FSIP1: variants seen among roughly 807,000 people sequenced by gnomAD.
The protein encoded by FSIP1 is fibrous sheath-interacting protein 1.
A neutral mutation model predicts 60.9 loss-of-function variants in FSIP1; 65 were observed. The ratio of observed to expected loss-of-function variants is 1.07; its 90% CI spans 0.87 to 1.31. FSIP1 has a LOEUF of 1.31. Among genes scored for constraint, FSIP1 ranks in the 40% most tolerant of loss-of-function variants. The pLI is 0.00. For synonymous variants in FSIP1, 209 were observed against 221.2 expected (o/e 0.94, Z 0.49); for missense variants, 675 against 665.5 (o/e 1.01, Z -0.16).
intron 10 of FSIP1, among the ~76,000 whole-genome samples, chr15:39,664,742 C>T (rs1248058633): frequency 1.3e-5 from 2 of 152,068 alleles, no homozygotes; most frequent in Non-Finnish European, 2.9e-5. Context: ...TTGCCCCCTC[C>T]TATTACCAGG....
intron 7 of FSIP1, among the ~76,000 whole-genome samples, chr15:39,738,626 T>C (rs1363648288): frequency 6.6e-6 from 1 of 152,208 alleles, no homozygotes; most frequent in Non-Finnish European, 1.5e-5. Flanking sequence ...AAATATTCAG[T>C]TACTATTAAA....
chr15:39,728,740 A>T (rs1485130141), intron 8 of FSIP1, among the ~76,000 whole-genome samples: 1 of 152,234 alleles, frequency 6.6e-6, no homozygotes, highest in Non-Finnish European at 1.5e-5. Context: ...AAGCAATCGC[A>T]ACAAAAACAA....
At chr15:39,765,101 GA>G (rs954468482) in intron 4 of FSIP1, among the ~76,000 whole-genome samples, 1 of 151,994 alleles carries the variant, frequency 6.6e-6, no homozygotes, top group African/African-American at 2.4e-5. Context: ...TCAGGTTCCA[GA>G]AAAATATCAC....
At chr15:39,668,778 C>T (rs1893602668) in intron 10 of FSIP1, among the ~76,000 whole-genome samples, 1 of 152,134 alleles carries the variant, frequency 6.6e-6, no homozygotes, top group Admixed American at 6.5e-5. Flanking sequence ...AGCTACAATT[C>T]CTTCGCCTCG....
chr15:39,650,852 T>G (rs1197207545), intron 10 of FSIP1, among the ~76,000 whole-genome samples: 4 of 152,252 alleles, frequency 2.6e-5, no homozygotes, highest in Non-Finnish European at 5.9e-5. Flanking sequence ...AATAATAGCT[T>G]GTTTTCTTAT....
At chr15:39,673,171 C>T (rs926488229) in intron 10 of FSIP1, among the ~76,000 whole-genome samples, 3 of 152,142 alleles carry the variant, frequency 2.0e-5, no homozygotes, top group African/African-American at 7.2e-5. Context: ...TTAAGAATAA[C>T]AATGAAGAAC....
chr15:39,634,103 C>T (rs149895067), intron 10 of FSIP1, among the ~76,000 whole-genome samples: 1 of 152,312 alleles, frequency 6.6e-6, no homozygotes, highest in East Asian at 1.9e-4. Flanking sequence ...ACCACCTTGT[C>T]TTGCCTACTC....
At chr15:39,747,486 C>G in intron 5 of FSIP1, 1 of 152,152 alleles carries the variant, frequency 6.6e-6, no homozygotes, top group East Asian at 1.9e-4. Context: ...AGCAACTTCT[C>G]TAATCCTGGA....
chr15:39,767,607 C>T (rs1897736225), intron 3 of FSIP1, among the ~76,000 whole-genome samples: 1 of 152,188 alleles, frequency 6.6e-6, no homozygotes, highest in Non-Finnish European at 1.5e-5. Flanking sequence ...CCCATATAAA[C>T]CCGAGACCTT....
chr15:39,739,746 T>C lies in FSIP1; in HGVS notation c.699A>G (p.Ser233=), dbSNP rs1896742319. The C allele has an allele frequency of 6.3e-7, 1 of 1,592,822 alleles. No individual in the cohort carries two copies. Among genetic ancestry groups the C allele is most frequent in the African/African-American group, 1.4e-5 (1 of 73,804 alleles). ...DVERNESLIK[S]GKKPFSNTEK... ...CTGTATTCGAGAAAGGTTTCTTTCCTGATTTGATCAATGACTCATTTCTTT... is the reference window on the plus strand; with the variant it reads ...CTGTATTCGAGAAAGGTTTCTTTCCCGATTTGATCAATGACTCATTTCTTT... Residue 233 remains serine (S), a synonymous_variant, in exon 7 of 12, where the codon TCA becomes TCG. Coordinates refer to ENST00000350221, the MANE Select transcript of FSIP1 (RefSeq NM_152597.5).
intron 10 of FSIP1, among the ~76,000 whole-genome samples, chr15:39,686,328 A>AT (rs1283756381): frequency 3.9e-5 from 6 of 152,026 alleles, no homozygotes; most frequent in African/African-American, 1.5e-4. Flanking sequence ...CCTCACTTTA[A>AT]CAAAAAATAA....
intron 10 of FSIP1, among the ~76,000 whole-genome samples, chr15:39,686,915 T>A (rs954040965): frequency 6.6e-6 from 1 of 152,182 alleles, no homozygotes; most frequent in East Asian, 1.9e-4. Context: ...CAGTTCTGCC[T>A]ACTTGTCTGT....
At chr15:39,642,319 AT>A (rs976620403) in intron 10 of FSIP1, among the ~76,000 whole-genome samples, 3 of 152,106 alleles carry the variant, frequency 2.0e-5, no homozygotes, top group Non-Finnish European at 2.9e-5. Context: ...TTATTTAATT[AT>A]TTTTAACCTG....
intron 10 of FSIP1, among the ~76,000 whole-genome samples, chr15:39,683,295 C>T (rs940694125): frequency 7.2e-5 from 11 of 151,936 alleles, no homozygotes; most frequent in African/African-American, 1.7e-4. Context: ...AAAAAACAAC[C>T]GATGTAATCC....
intron 10 of FSIP1, among the ~76,000 whole-genome samples, chr15:39,701,950 G>A (rs1895077459): frequency 6.6e-6 from 1 of 152,166 alleles, no homozygotes; most frequent in South Asian, 2.1e-4. Flanking sequence ...TCTACCAGGA[G>A]CTGGGATTAC....
intron 3 of FSIP1, among the ~76,000 whole-genome samples, chr15:39,769,135 C>T (rs930801753): frequency 6.6e-4 from 100 of 151,728 alleles, no homozygotes; most frequent in Non-Finnish European, 8.7e-4. Context: ...AAAAATTAGC[C>T]GGGCGTGGTA....
intron 10 of FSIP1, among the ~76,000 whole-genome samples, chr15:39,649,932 G>A (rs920065904): frequency 5.3e-5 from 8 of 152,214 alleles, no homozygotes; most frequent in Middle Eastern, 3.4e-3. Flanking sequence ...GTCAGGCCTC[G>A]TGCTCATTTC....
chr15:39,680,350 G>C (rs540052433), intron 10 of FSIP1, among the ~76,000 whole-genome samples: 1 of 152,160 alleles, frequency 6.6e-6, no homozygotes, highest in Non-Finnish European at 1.5e-5. Flanking sequence ...AGATGGGGTG[G>C]CAGGGACTGT....
chr15:39,713,546 T>A lies in FSIP1; in HGVS notation c.1086A>T (p.Val362=). The A allele has an allele frequency of 6.2e-7, 1 of 1,605,796 alleles. No homozygotes were observed. The highest frequency in any genetic ancestry group is 8.5e-7 in the Non-Finnish European group (1 of 1,176,704). The part of the protein sequence containing the change: ...PDRDGERNME[V]TPGEKILRNT... Reference sequence around the variant, plus strand: ...TCCTAAGTATCTTTTCTCCTGGAGTTACTTCCATATTTCTTTCACCATCAC... The same window carrying A: ...TCCTAAGTATCTTTTCTCCTGGAGTAACTTCCATATTTCTTTCACCATCAC... Residue 362 remains valine, a synonymous_variant, in exon 10 of 12, where the codon GTA becomes GTT. Transcript: ENST00000350221.
Sources: gnomAD v4.1 joint callset for allele counts (sites outside exome capture counted in the v4.1 genomes callset) on GRCh38, gnomAD v4.1.1 for gene constraint, MANE v1.5 for transcripts, NCBI Gene and HGNC (gene_info 2026-07-23, HGNC 2026-07-21) for gene names.